The following PTPRG variants were observed in gnomAD, a reference collection of about 807,000 sequenced individuals.
PTPRG encodes protein tyrosine phosphatase receptor type G.
A neutral mutation model predicts 165.3 loss-of-function variants in PTPRG; 102 were observed. That is an observed-to-expected ratio of 0.62 (90% confidence interval 0.53 to 0.73). The LOEUF (loss-of-function observed/expected upper bound fraction) is 0.73, where lower values mean the gene tolerates loss of function less well. PTPRG is among the 30% of genes least tolerant of loss of function. The pLI is 0.00. For missense variants in PTPRG, 1,866 were observed against 1,861.4 expected, an observed-to-expected ratio of 1.00 and a Z score of -0.05; for synonymous variants, 675 against 669.5, an observed-to-expected ratio of 1.01 and a Z score of -0.13.
At chr3:62,145,727 A>G (rs952706466) in intron 6 of PTPRG, among the ~76,000 whole-genome samples, 8 of 152,152 alleles carry the variant, frequency 5.3e-5, no homozygotes, top group Non-Finnish European at 2.9e-5. Flanking sequence ...TATAAATACA[A>G]TCTTATTGAA....
In PTPRG at chr3:61,918,387, G is replaced by C. The variant is rs116758057; in HGVS notation, c.191-71238G>C. 5.5e-3 allele frequency among the ~76,000 whole-genome samples: 833 copies of C among 151,846 alleles called. 11 individuals carry two copies. The highest frequency in any genetic ancestry group is 0.019 in the African/African-American group (794 of 41,420). On this transcript the variant is annotated intron_variant, in intron 2 of 29. Coordinates refer to ENST00000474889, the MANE Select transcript of PTPRG (RefSeq NM_002841.4). ...GTATATATATATATACACACACACA[G>C]AGTATATGTACATAAGGTGAGTATA...
chr3:61,830,560 G>GT lies in PTPRG; in HGVS notation c.190+81583dup, dbSNP rs1220550805. ...CTTAAAACTGGTGATGGTTCTTTTT[G>GT]TTTTTGTTTTTTTTTTTTTTTTTTT... On this transcript the variant is annotated intron_variant, in intron 2 of 29. Coordinates refer to ENST00000474889, the MANE Select transcript of PTPRG (RefSeq NM_002841.4). Among the ~76,000 whole-genome samples, 13 of 90,098 alleles carry GT rather than the reference G, an allele frequency of 1.4e-4. 1 individual carries two copies. The highest frequency in any genetic ancestry group is 3.5e-4 in the East Asian group (1 of 2,858). The allele number at this position is 90,098 out of a possible 152,430, so 59.1% of individuals were successfully genotyped here.
intron 2 of PTPRG, among the ~76,000 whole-genome samples, chr3:61,930,721 A>G (rs1051677000): frequency 1.3e-5 from 2 of 152,306 alleles, no homozygotes; most frequent in East Asian, 3.9e-4. Context: ...GAGAAATAAT[A>G]TAGGTAATTA....
At chr3:61,582,565 G>A (rs577604199) in intron 1 of PTPRG, among the ~76,000 whole-genome samples, 1 of 152,232 alleles carries the variant, frequency 6.6e-6, no homozygotes, top group Admixed American at 6.5e-5. Flanking sequence ...GATAAGAGTG[G>A]AATTCATGTT....
At chr3:61,939,208 C>G (rs141244641) in intron 2 of PTPRG, among the ~76,000 whole-genome samples, 7 of 152,278 alleles carry the variant, frequency 4.6e-5, no homozygotes, top group Non-Finnish European at 8.8e-5. Flanking sequence ...AAATAAAACA[C>G]TGTTTTCTGA....
intron 5 of PTPRG, among the ~76,000 whole-genome samples, chr3:62,097,475 G>A (rs1702155875): frequency 1.3e-5 from 2 of 151,980 alleles, no homozygotes; most frequent in Non-Finnish European, 2.9e-5. Flanking sequence ...CAACATGCTC[G>A]TGTGACAGGT....
chr3:61,956,892 T>G (rs1413403256), intron 2 of PTPRG, among the ~76,000 whole-genome samples: 1 of 152,218 alleles, frequency 6.6e-6, no homozygotes, highest in Admixed American at 6.5e-5. Flanking sequence ...CTTTAAAACA[T>G]TCTTTAATGA....
At chr3:61,955,423 G>T (rs1056698631) in intron 2 of PTPRG, among the ~76,000 whole-genome samples, 2 of 152,182 alleles carry the variant, frequency 1.3e-5, no homozygotes, top group African/African-American at 4.8e-5. Flanking sequence ...AATAATATTT[G>T]TAACCTGCAA....
chr3:62,078,108 C>G, intron 4 of PTPRG, 55 bp from the exon 5 acceptor site: 1 of 1,267,212 alleles, frequency 7.9e-7, no homozygotes, highest in East Asian at 2.5e-5. Flanking sequence ...ATTCTCTCAA[C>G]TTTTTATTTA....
chr3:61,636,225 C>T (rs949993269), intron 1 of PTPRG, among the ~76,000 whole-genome samples: 1 of 152,136 alleles, frequency 6.6e-6, no homozygotes, highest in African/African-American at 2.4e-5. Flanking sequence ...ACAGTTTACT[C>T]ATTTAAAGTA....
intron 8 of PTPRG, among the ~76,000 whole-genome samples, chr3:62,178,483 A>G (rs1371831921): frequency 1.3e-5 from 2 of 152,112 alleles, no homozygotes; most frequent in African/African-American, 4.8e-5. Context: ...GGCTCCTGGG[A>G]TTGGGGAAGC....
chr3:61,966,102 A>G (rs983607227), intron 2 of PTPRG, among the ~76,000 whole-genome samples: 5 of 152,244 alleles, frequency 3.3e-5, no homozygotes, highest in African/African-American at 1.2e-4. Flanking sequence ...CTCCGCCCTG[A>G]ATATGTGACT....
At chr3:61,942,209 G>A (rs528628813) in intron 2 of PTPRG, among the ~76,000 whole-genome samples, 1 of 151,568 alleles carries the variant, frequency 6.6e-6, no homozygotes, top group Non-Finnish European at 1.5e-5. Context: ...AACAGAAATT[G>A]GCCATGGCCA....
intron 4 of PTPRG, among the ~76,000 whole-genome samples, chr3:62,019,145 C>G (rs1161371536): frequency 2.6e-5 from 4 of 152,178 alleles, no homozygotes; most frequent in African/African-American, 9.7e-5. Flanking sequence ...GGTAGATTTT[C>G]TAAAATCAAA....
At chr3:62,038,354 A>G (rs1314138762) in intron 4 of PTPRG, among the ~76,000 whole-genome samples, 2 of 152,168 alleles carry the variant, frequency 1.3e-5, no homozygotes, top group Non-Finnish European at 2.9e-5. Context: ...TCGATTAAGC[A>G]TATCATTGCT....
intron 2 of PTPRG, among the ~76,000 whole-genome samples, chr3:61,861,738 T>C (rs955860206): frequency 1.3e-5 from 2 of 151,924 alleles, no homozygotes; most frequent in Non-Finnish European, 2.9e-5. Flanking sequence ...CAATGCAGAG[T>C]TTCTTCAACT....
At chr3:61,922,223 A>G (rs1473624367) in intron 2 of PTPRG, among the ~76,000 whole-genome samples, 2 of 152,250 alleles carry the variant, frequency 1.3e-5, no homozygotes, top group African/African-American at 2.4e-5. Flanking sequence ...TAGGTAAAAT[A>G]CAATTCACAA....
At chr3:61,576,614 C>T (rs1700177865) in intron 1 of PTPRG, among the ~76,000 whole-genome samples, 1 of 152,170 alleles carries the variant, frequency 6.6e-6, no homozygotes, top group Non-Finnish European at 1.5e-5. Flanking sequence ...TGGGAGAGGA[C>T]TTTTGTGCCA....
At chr3:61,665,479 C>CACACACACAA (rs1702785835) in intron 1 of PTPRG, among the ~76,000 whole-genome samples, 1 of 151,144 alleles carries the variant, frequency 6.6e-6, no homozygotes, top group Admixed American at 6.6e-5. Flanking sequence ...TACACACACA[C>CACACACACAA]ACACACACAC....
Sources: gnomAD v4.1 joint callset for allele counts (sites outside exome capture counted in the v4.1 genomes callset) on GRCh38, gnomAD v4.1.1 for gene constraint, MANE v1.5 for transcripts, NCBI Gene and HGNC (gene_info 2026-07-23, HGNC 2026-07-21) for gene names.